Variants in PRLR observed in about 807,000 individuals in gnomAD.
PRLR encodes the protein prolactin receptor.
In PRLR, 13 loss-of-function variants were observed where a neutral mutation model predicts 40.2. The ratio of observed to expected loss-of-function variants is 0.32; its 90% CI spans 0.21 to 0.51. The LOEUF (loss-of-function observed/expected upper bound fraction) is 0.51. Among genes scored for constraint, PRLR ranks in the 20% least tolerant of loss-of-function variants. PRLR has a pLI of 0.97. For missense variants in PRLR, 656 were observed against 747.3 expected, an observed-to-expected ratio of 0.88 and a Z score of 1.42; for synonymous variants, 269 against 278.7, an observed-to-expected ratio of 0.97 and a Z score of 0.35.
At chr5:35,168,131 C>T (rs1435829718) in intron 1 of PRLR, among the ~76,000 whole-genome samples, 1 of 151,812 alleles carries the variant, frequency 6.6e-6, no homozygotes, top group Admixed American at 6.6e-5. Context: ...AGTGACATGT[C>T]ATAATGATAA....
intron 1 of PRLR, among the ~76,000 whole-genome samples, chr5:35,165,916 G>C (rs575590173): frequency 6.6e-6 from 1 of 152,288 alleles, no homozygotes; most frequent in East Asian, 1.9e-4. Context: ...TTAAGGGTTA[G>C]TCTCCATGGA....
At chr5:35,109,003 T>G (rs545421411) in intron 2 of PRLR, among the ~76,000 whole-genome samples, 1 of 152,344 alleles carries the variant, frequency 6.6e-6, no homozygotes, top group Non-Finnish European at 1.5e-5. Flanking sequence ...AGCATGGTAC[T>G]AGTACCAAAA....
Position 35,080,756 on chromosome 5 carries a change from G to A in PRLR, c.373+3714C>T, listed in dbSNP as rs570706302. On this transcript the variant is annotated intron_variant, in intron 5 of 9. Transcript: ENST00000618457. ...ACACATGCACACATATGTTTATTGCGGCACTATTCACAATAGCAAGACTTG... is the reference window on the plus strand; with the variant it reads ...ACACATGCACACATATGTTTATTGCAGCACTATTCACAATAGCAAGACTTG... Among the ~76,000 whole-genome samples the A allele has an allele frequency of 2.6e-4, 39 of 151,962 alleles. No homozygotes were observed. In the East Asian group the frequency reaches 5.2e-3, roughly 20 times the overall value.
chr5:35,215,098 T>A (rs1282012158), intron 1 of PRLR, among the ~76,000 whole-genome samples: 2 of 152,176 alleles, frequency 1.3e-5, no homozygotes, highest in Non-Finnish European at 2.9e-5. Flanking sequence ...CAGTCTGCCA[T>A]CTTCTAGGAT....
intron 1 of PRLR, among the ~76,000 whole-genome samples, chr5:35,123,054 AT>A: frequency 6.6e-6 from 1 of 152,298 alleles, no homozygotes; most frequent in African/African-American, 2.4e-5. Flanking sequence ...AAAGAATCCA[AT>A]ATTTTGTTTG....
intron 1 of PRLR, among the ~76,000 whole-genome samples, chr5:35,156,127 T>TAAAAAAAAAAAAAAAAAA (rs765998296): frequency 9.6e-6 from 1 of 103,816 alleles, no homozygotes; most frequent in African/African-American, 3.7e-5. Flanking sequence ...TTGCTCAAGA[T>TAAAAAAAAAAAAAAAAAA]AAAAAAAAAA....
At chr5:35,090,467 G>T (rs1424972145) in intron 2 of PRLR, among the ~76,000 whole-genome samples, 3 of 152,086 alleles carry the variant, frequency 2.0e-5, no homozygotes, top group Admixed American at 1.3e-4. Flanking sequence ...GGAAAAAAAG[G>T]CTCATTAGTC....
chr5:35,175,657 A>G lies in PRLR; in HGVS notation c.-106+54611T>C, dbSNP rs138038895. Among the ~76,000 whole-genome samples, 566 of 152,302 alleles carry G rather than the reference A, an allele frequency of 3.7e-3. 6 individuals carry two copies. Among genetic ancestry groups the G allele is most frequent in the African/African-American group, 0.013 (551 of 41,560 alleles). ...ATATTTCAGAGGTAGTCCTGTGCCAAACTGTTCTGCAAGTGATGCCCACCT... is the reference window on the plus strand; with the variant it reads ...ATATTTCAGAGGTAGTCCTGTGCCAGACTGTTCTGCAAGTGATGCCCACCT... On this transcript the variant is annotated intron_variant, in intron 1 of 9. Coordinates refer to ENST00000618457, the MANE Select transcript of PRLR (RefSeq NM_000949.7).
chr5:35,190,157 G>A (rs1235986638), intron 1 of PRLR, among the ~76,000 whole-genome samples: 2 of 152,092 alleles, frequency 1.3e-5, no homozygotes, highest in African/African-American at 4.8e-5. Context: ...CTTTGTTATG[G>A]CAGCCCCAGC....
chr5:35,204,999 G>C (rs955743238), intron 1 of PRLR, among the ~76,000 whole-genome samples: 13 of 152,228 alleles, frequency 8.5e-5, no homozygotes, highest in African/African-American at 2.6e-4. Flanking sequence ...TTCCTGGTGA[G>C]AGAGCACTTA....
At chr5:35,171,234 A>C (rs1156449780) in intron 1 of PRLR, among the ~76,000 whole-genome samples, 1 of 152,222 alleles carries the variant, frequency 6.6e-6, no homozygotes, top group East Asian at 1.9e-4. Context: ...AAGAGTAAAC[A>C]AATCATGACA....
chr5:35,175,997 TTA>T (rs1415046569), intron 1 of PRLR, among the ~76,000 whole-genome samples: 12 of 152,206 alleles, frequency 7.9e-5, no homozygotes, highest in African/African-American at 7.2e-5. Context: ...TATATATTTA[TTA>T]TATGTTATAA....
At chr5:35,068,409 A>G (rs1769516007) in intron 8 of PRLR, 124 bp from the exon 9 acceptor site, 1 of 786,306 alleles carries the variant, frequency 1.3e-6, no homozygotes, top group East Asian at 2.6e-5. Flanking sequence ...CAGCTCCATG[A>G]AACAATCAAT....
rs190039596 is a variant in PRLR at position 35,159,039 on chromosome 5, T to A, written c.-105-40917A>T. 4.1e-3 allele frequency among the ~76,000 whole-genome samples: 620 copies of A among 152,322 alleles called. 4 individuals are homozygous for A. The highest frequency in any genetic ancestry group is 0.014 in the African/African-American group (599 of 41,574). On this transcript the variant is annotated intron_variant, in intron 1 of 9. Transcript: ENST00000618457. ...GACACTTACAACCAAAAAGTCTTGA[T>A]AACAATGACTACTATAACAAGTAAC... is the stretch of plus-strand genomic sequence containing the variant.
chr5:35,102,486 G>GTCCCGTCTCCTCTCC (rs1561299371), intron 2 of PRLR, among the ~76,000 whole-genome samples: 1 of 89,394 alleles, frequency 1.1e-5, no homozygotes. Flanking sequence ...GTCCCGTCCC[G>GTCCCGTCTCCTCTCC]TCTCCTCTCC....
chr5:35,104,078 T>A (rs1258014496), intron 2 of PRLR, among the ~76,000 whole-genome samples: 1 of 151,940 alleles, frequency 6.6e-6, no homozygotes, highest in Non-Finnish European at 1.5e-5. Flanking sequence ...AAAAGAGGGG[T>A]TCCCTGCTTA....
At chr5:35,209,535 T>C (rs894035843) in intron 1 of PRLR, among the ~76,000 whole-genome samples, 12 of 152,222 alleles carry the variant, frequency 7.9e-5, no homozygotes, top group African/African-American at 2.7e-4. Context: ...ACTAGCTTTA[T>C]CACTGGAAAG....
chr5:35,172,376 T>C (rs1446262248), intron 1 of PRLR, among the ~76,000 whole-genome samples: 1 of 152,136 alleles, frequency 6.6e-6, no homozygotes, highest in Non-Finnish European at 1.5e-5. Context: ...GGTAGGAGGT[T>C]GGAGGAAGGG....
At chr5:35,083,420 A>ATCTC (rs374463454) in intron 5 of PRLR, among the ~76,000 whole-genome samples, 1 of 143,072 alleles carries the variant, frequency 7.0e-6, no homozygotes, top group Non-Finnish European at 1.5e-5. Flanking sequence ...GAGGTGATAA[A>ATCTC]TCTCTCTCTC....
Sources: gnomAD v4.1 joint callset for allele counts (sites outside exome capture counted in the v4.1 genomes callset) on GRCh38, gnomAD v4.1.1 for gene constraint, MANE v1.5 for transcripts, NCBI Gene and HGNC (gene_info 2026-07-23, HGNC 2026-07-21) for gene names.